The following TEX11 variants were observed in gnomAD, a reference collection of about 807,000 sequenced individuals.
TEX11 encodes testis expressed 11, also known as testis-expressed protein 11.
Under a neutral mutation model 84.4 loss-of-function variants are expected in TEX11, and 7 were observed. That is an observed-to-expected ratio of 0.08 (90% CI 0.05 to 0.16). TEX11 has a LOEUF of 0.16. Ranked by LOEUF, TEX11 falls within the 10% of genes least tolerant of loss-of-function variation. TEX11 has a pLI of 1.00. For synonymous variants in TEX11, 264 were observed against 222.8 expected (o/e 1.18, Z -1.64); for missense variants, 551 against 660.5 (o/e 0.83, Z 1.82).
Position 70,779,384 on chromosome X carries a change from C to T in TEX11, c.692+27321G>A, listed in dbSNP as rs367960259. Reference sequence around the variant, plus strand: ...GAGCTGAGATCATGCCACTGCACTCCAGCCTTGGCAACAGAGTGAGACCCC... The same window carrying T: ...GAGCTGAGATCATGCCACTGCACTCTAGCCTTGGCAACAGAGTGAGACCCC... On this transcript the variant is annotated intron_variant, in intron 9 of 29. Coordinates refer to ENST00000374333, the MANE Select transcript of TEX11 (RefSeq NM_031276.3). 2.4e-3 allele frequency among the ~76,000 whole-genome samples: 233 copies of T among 95,308 alleles called. 3 individuals are homozygous for T. The highest frequency in any genetic ancestry group is 8.6e-3 in the African/African-American group (215 of 24,928). 82.8% of individuals were successfully genotyped at this position (95,308 alleles called of 115,157 possible).
intron 8 of TEX11, among the ~76,000 whole-genome samples, chrX:70,810,783 A>T (rs1004637027): frequency 2.7e-5 from 3 of 110,548 alleles, no homozygotes; most frequent in African/African-American, 9.9e-5. Flanking sequence ...CCCAGAACTT[A>T]AAGTATTAAA....
intron 13 of TEX11, among the ~76,000 whole-genome samples, chrX:70,713,960 T>G (rs909092693): frequency 8.9e-6 from 1 of 111,895 alleles, no homozygotes; most frequent in Non-Finnish European, 1.9e-5. Context: ...CACACTGCTT[T>G]GAATGTGTCC....
chrX:70,688,877 C>A (rs865914096), intron 13 of TEX11, among the ~76,000 whole-genome samples: 1 of 73,875 alleles, frequency 1.4e-5, no homozygotes, highest in African/African-American at 5.1e-5. Flanking sequence ...ACAAGAGACT[C>A]TAACAAATGT....
chrX:70,831,624 T>A (rs1395305029), intron 8 of TEX11, among the ~76,000 whole-genome samples: 1 of 111,119 alleles, frequency 9.0e-6, no homozygotes, highest in Non-Finnish European at 1.9e-5. Flanking sequence ...CAATACTCTA[T>A]CTCTTCAAAT....
intron 17 of TEX11, among the ~76,000 whole-genome samples, chrX:70,644,969 A>G (rs1282779843): frequency 9.1e-6 from 1 of 110,449 alleles, no homozygotes. Context: ...GAAAGAGAAG[A>G]CAGTACAGCT....
chrX:70,610,052 T>G (rs1400344621), intron 21 of TEX11, among the ~76,000 whole-genome samples: 1 of 107,928 alleles, frequency 9.3e-6, no homozygotes, highest in African/African-American at 3.4e-5. Context: ...TTATTTGTCT[T>G]GATCTTTTTT....
intron 9 of TEX11, among the ~76,000 whole-genome samples, chrX:70,783,782 G>A (rs1203625712): frequency 9.0e-6 from 1 of 111,527 alleles, no homozygotes; most frequent in Non-Finnish European, 1.9e-5. Context: ...CCAGGAAGAA[G>A]TTGAATCTCC....
At chrX:70,785,460 T>G (rs1315854231) in intron 9 of TEX11, among the ~76,000 whole-genome samples, 1 of 111,563 alleles carries the variant, frequency 9.0e-6, no homozygotes, top group Admixed American at 9.5e-5. Context: ...AAGCCAAAAT[T>G]GACAAATGGG....
chrX:70,549,215 C>T (rs1267365825), intron 28 of TEX11, among the ~76,000 whole-genome samples: 1 of 111,146 alleles, frequency 9.0e-6, no homozygotes, highest in Non-Finnish European at 1.9e-5. Context: ...CAGGATTCAT[C>T]ACCTGCTGAC....
chrX:70,597,755 T>C (rs1210170883), intron 24 of TEX11, among the ~76,000 whole-genome samples: 1 of 111,526 alleles, frequency 9.0e-6, no homozygotes, highest in Non-Finnish European at 1.9e-5. Flanking sequence ...ATGGATATCA[T>C]CAAAATTAAA....
Position 70,709,715 on chromosome X carries a change from G to A in TEX11, c.1004+12903C>T, listed in dbSNP as rs1368462485. The stretch of plus-strand genomic sequence containing the variant: ...ATATTTTATTATAACATTCAACAGT[G>A]TGTTCAAAAACTATTATATTAATAA... On this transcript the variant is annotated intron_variant, in intron 13 of 29. Coordinates refer to ENST00000374333, the MANE Select transcript of TEX11 (RefSeq NM_031276.3). 3.4e-5 allele frequency among the ~76,000 whole-genome samples: 3 copies of A among 86,963 alleles called. No homozygotes were observed. In the East Asian group the frequency reaches 1.2e-3, roughly 35 times the overall value. 75.5% of individuals were successfully genotyped at this position (86,963 alleles called of 115,157 possible).
At chrX:70,638,813 AAG>A (rs1194285861) in intron 17 of TEX11, among the ~76,000 whole-genome samples, 4 of 109,138 alleles carry the variant, frequency 3.7e-5, no homozygotes, top group African/African-American at 1.3e-4. Context: ...AAAAAAAAAA[AAG>A]ATGAACAAAA....
intron 9 of TEX11, among the ~76,000 whole-genome samples, chrX:70,787,213 C>T (rs187425164): frequency 3.6e-5 from 4 of 112,348 alleles, no homozygotes; most frequent in East Asian, 2.8e-4. Context: ...ATAAAAAGAA[C>T]GTATCTTAAC....
At chrX:70,660,863 C>T (rs1178862004) in intron 16 of TEX11, among the ~76,000 whole-genome samples, 1 of 112,045 alleles carries the variant, frequency 8.9e-6, no homozygotes, top group Non-Finnish European at 1.9e-5. Context: ...TGGTGAAATC[C>T]CGTCTCTATT....
chrX:70,628,918 T>C (rs1184347176), intron 18 of TEX11, among the ~76,000 whole-genome samples: 1 of 112,570 alleles, frequency 8.9e-6, no homozygotes, highest in Non-Finnish European at 1.9e-5. Flanking sequence ...ATCAGGAAGA[T>C]GGTTTTCCTA....
At chrX:70,704,727 T>G (rs1052596356) in intron 13 of TEX11, among the ~76,000 whole-genome samples, 5 of 111,378 alleles carry the variant, frequency 4.5e-5, no homozygotes, top group Admixed American at 1.9e-4. Flanking sequence ...TTCCATCACT[T>G]CTTTCCATTT....
intron 4 of TEX11, among the ~76,000 whole-genome samples, chrX:70,865,570 C>T (rs755330469): frequency 8.9e-6 from 1 of 111,862 alleles, no homozygotes; most frequent in East Asian, 2.8e-4. Flanking sequence ...GAACTCTCCA[C>T]CTCAAATCAA....
intron 20 of TEX11, among the ~76,000 whole-genome samples, chrX:70,617,158 A>C (rs1372490973): frequency 2.7e-5 from 3 of 109,865 alleles, no homozygotes; most frequent in Non-Finnish European, 3.8e-5. Context: ...CCCAGAAAAA[A>C]TTAACAATTA....
Position 70,710,945 on chromosome X carries a change from C to G in TEX11, c.1004+11673G>C, listed in dbSNP as rs748218199. Among the ~76,000 whole-genome samples, 572 of 109,086 alleles carry G rather than the reference C, an allele frequency of 5.2e-3. 3 individuals carry two copies. Among genetic ancestry groups the G allele is most frequent in the Non-Finnish European group, 8.3e-3 (436 of 52,402 alleles). The allele number at this position is 109,086 out of a possible 115,157, so 94.7% of individuals were successfully genotyped here. A position where few individuals can be genotyped will look rare whatever the true frequency, so the allele number is the denominator to read the frequency against. On this transcript the variant is annotated intron_variant, in intron 13 of 29. Coordinates refer to ENST00000374333, the MANE Select transcript of TEX11 (RefSeq NM_031276.3). ...TAATGCTATCCCTCCCCACTCCCCC[C>G]ACCCCACAACAGGCCCCAGTGTGTG...
Sources: gnomAD v4.1 joint callset for allele counts (sites outside exome capture counted in the v4.1 genomes callset) on GRCh38, gnomAD v4.1.1 for gene constraint, MANE v1.5 for transcripts, NCBI Gene and HGNC (gene_info 2026-07-23, HGNC 2026-07-21) for gene names.